The following EFL1 variants were observed in gnomAD, a reference collection of about 807,000 sequenced individuals.
The protein encoded by EFL1 is elongation factor-like GTPase 1.
Under a neutral mutation model 126.7 loss-of-function variants are expected in EFL1, and 76 were observed. The observed-to-expected ratio is 0.60, with a 90% confidence interval of 0.50 to 0.73. EFL1 has a LOEUF of 0.73. EFL1 is among the 30% of genes least tolerant of loss of function. The pLI, the probability that EFL1 is intolerant of heterozygous loss-of-function variation, is 0.00. For synonymous variants in EFL1, 410 were observed against 448.4 expected (o/e 0.91, Z 1.08); for missense variants, 1,128 against 1,343.2 (o/e 0.84, Z 2.50).
intron 18 of EFL1, among the ~76,000 whole-genome samples, chr15:82,149,187 T>C (rs1382844542): frequency 1.3e-5 from 2 of 152,316 alleles, no homozygotes; most frequent in East Asian, 1.9e-4. Flanking sequence ...TCCTGTTTAC[T>C]GTTGTAATGC....
At chr15:82,232,938 A>G (rs561234269) in intron 7 of EFL1, among the ~76,000 whole-genome samples, 15 of 152,100 alleles carry the variant, frequency 9.9e-5, no homozygotes, top group African/African-American at 3.6e-4. Context: ...TGTTACCCAG[A>G]CTGTATTATA....
intron 7 of EFL1, 46 bp from the exon 8 acceptor site, chr15:82,231,017 G>A (rs11073036): frequency 0.22 from 357,448 of 1,592,522 alleles, 42,703 homozygotes; most frequent in South Asian, 0.4. Flanking sequence ...AACGATTATT[G>A]ATTTCTGTGA....
intron 15 of EFL1, among the ~76,000 whole-genome samples, chr15:82,184,581 C>T (rs2074284257): frequency 6.6e-6 from 1 of 152,186 alleles, no homozygotes; most frequent in Non-Finnish European, 1.5e-5. Flanking sequence ...GCAGGACCAA[C>T]CACAAAAGTA....
At position 82,225,200 on chromosome 15, in the gene EFL1, T is replaced by C. The variant is rs532188926; in HGVS notation, c.1257A>G (p.Ala419=). ...TCTGAGGCAAGGCCTTAGCATCAAC[T>C]GCAAACATTTTGGAAACAAATATAA... is the stretch of plus-strand genomic sequence containing the variant. ...PVIIFVSKMF[A]VDAKALPQNK... Residue 419 remains alanine (A), a synonymous_variant, in exon 12 of 20, where the codon GCA becomes GCG. Coordinates refer to ENST00000268206, the MANE Select transcript of EFL1 (RefSeq NM_024580.6). 4 of 1,612,112 alleles carry C rather than the reference T, an allele frequency of 2.5e-6. No homozygotes were observed. Among genetic ancestry groups the C allele is most frequent in the Admixed American group, 3.4e-5 (2 of 59,510 alleles).
At chr15:82,210,327 G>A (rs2074570416) in intron 15 of EFL1, among the ~76,000 whole-genome samples, 2 of 152,146 alleles carry the variant, frequency 1.3e-5, no homozygotes, top group Admixed American at 1.3e-4. Flanking sequence ...GCAGAAGTGG[G>A]GCTGAAGGCT....
intron 11 of EFL1, among the ~76,000 whole-genome samples, chr15:82,225,926 A>G (rs1446125994): frequency 6.6e-6 from 1 of 152,192 alleles, no homozygotes; most frequent in Non-Finnish European, 1.5e-5. Flanking sequence ...TCACGTTAAA[A>G]TAATTTATAT....
At chr15:82,180,524 A>G (rs1208535787) in intron 15 of EFL1, among the ~76,000 whole-genome samples, 1 of 152,144 alleles carries the variant, frequency 6.6e-6, no homozygotes, top group Non-Finnish European at 1.5e-5. Flanking sequence ...AAAACATAAA[A>G]TTTATTCAGC....
In EFL1 at chr15:82,230,855, C is replaced by T. The variant is rs1239093536; in HGVS notation, c.848G>A (p.Gly283Asp). 4 of 1,610,686 alleles carry T rather than the reference C, an allele frequency of 2.5e-6. No individual in the cohort carries two copies. In the African/African-American group the frequency reaches 5.4e-5, roughly 22 times the overall value. Residue 283 changes from glycine to aspartate, a missense_variant, in exon 8 of 20, where the codon GGT becomes GAT. Coordinates refer to ENST00000268206, the MANE Select transcript of EFL1 (RefSeq NM_024580.6). ...GGACATATACCACATTACCTGATCACCCTTCATGATCTTTTTAGCCTTCAT... is the reference window on the plus strand; with the variant it reads ...GGACATATACCACATTACCTGATCATCCTTCATGATCTTTTTAGCCTTCAT... ...INMKAKKIMKGDQAKGKKPLF... is the reference protein window; with the variant it reads ...INMKAKKIMKDDQAKGKKPLF...
intron 15 of EFL1, among the ~76,000 whole-genome samples, chr15:82,199,627 G>C (rs1238887595): frequency 1.3e-5 from 2 of 152,190 alleles, no homozygotes; most frequent in Non-Finnish European, 2.9e-5. Flanking sequence ...CCCAGCTTTA[G>C]CTCCCTAGTG....
intron 15 of EFL1, among the ~76,000 whole-genome samples, chr15:82,192,401 CAAA>C (rs59214257): frequency 4.6e-5 from 4 of 86,180 alleles, no homozygotes; most frequent in Non-Finnish European, 2.8e-5. Flanking sequence ...AATTCCGTCT[CAAA>C]AAAAAAAAAA....
intron 3 of EFL1, among the ~76,000 whole-genome samples, chr15:82,257,661 C>G (rs923914924): frequency 2.0e-5 from 3 of 152,196 alleles, no homozygotes; most frequent in Non-Finnish European, 4.4e-5. Flanking sequence ...CCCACCCACA[C>G]AGTTTCCCCT....
intron 18 of EFL1, among the ~76,000 whole-genome samples, chr15:82,150,699 T>C (rs16973420): frequency 0.15 from 23,243 of 152,114 alleles, 3,219 homozygotes; most frequent in African/African-American, 0.37. Context: ...TTTGATATAA[T>C]GGTTAGCAGT....
intron 15 of EFL1, among the ~76,000 whole-genome samples, chr15:82,209,849 T>C (rs981892503): frequency 6.6e-6 from 1 of 152,252 alleles, no homozygotes; most frequent in Non-Finnish European, 1.5e-5. Context: ...ATTTTTCAAG[T>C]GCCAATAAAA....
In EFL1 at chr15:82,184,908, A is replaced by G. The variant is rs191220126; in HGVS notation, c.1751-20924T>C. On this transcript the variant is annotated intron_variant, in intron 15 of 19. Coordinates refer to ENST00000268206, the MANE Select transcript of EFL1 (RefSeq NM_024580.6). Reference sequence around the variant, plus strand: ...TTTCATTATTTGAGGATTTAGAGACAAGAACAACTTAGAGTAGTGTGAATA... The same window carrying G: ...TTTCATTATTTGAGGATTTAGAGACGAGAACAACTTAGAGTAGTGTGAATA... Among the ~76,000 whole-genome samples, 840 of 152,350 alleles carry G rather than the reference A, an allele frequency of 5.5e-3. 8 individuals carry two copies. Among genetic ancestry groups the G allele is most frequent in the South Asian group, 0.042 (204 of 4,828 alleles).
At chr15:82,242,270 T>G (rs1285205869) in intron 4 of EFL1, among the ~76,000 whole-genome samples, 1 of 150,368 alleles carries the variant, frequency 6.7e-6, no homozygotes, top group East Asian at 1.9e-4. Flanking sequence ...TATACTTTAC[T>G]TTTGCTCCTC....
chr15:82,132,526 C>T (rs891886445), intron 19 of EFL1, among the ~76,000 whole-genome samples: 4 of 140,326 alleles, frequency 2.9e-5, no homozygotes, highest in Non-Finnish European at 4.6e-5. Flanking sequence ...AAAAGGCAGA[C>T]AGTAGAAGTG....
intron 16 of EFL1, among the ~76,000 whole-genome samples, chr15:82,159,006 C>T (rs770408340): frequency 2.6e-5 from 4 of 152,178 alleles, no homozygotes; most frequent in South Asian, 2.1e-4. Context: ...CCATGCTCTG[C>T]GGATGGATGT....
At position 82,240,465 on chromosome 15, in the gene EFL1, A is replaced by T; in HGVS notation, c.469T>A (p.Phe157Ile). The change falls in exon 6 of 20, where the codon TTC becomes ATC. Residue 157 changes from phenylalanine to isoleucine, a missense_variant. By Grantham distance (21) the Phe-to-Ile change is conservative. Around this residue, in one of 6 missense-constraint regions of EFL1, gnomAD observed 316 missense variants for 318.5 expected, o/e 0.99. Transcript: ENST00000268206. The part of the protein sequence containing the change: ...KIDRLIVELK[F>I]TPQEAYSHLK... ...TGAGAATAGGCCTCTTGTGGGGTGA[A>T]TTTCAGTTCCACTATCAAGCGATCA... is the stretch of plus-strand genomic sequence containing the variant. 1 of 1,613,652 alleles carries T rather than the reference A, an allele frequency of 6.2e-7. No homozygotes were observed. Among genetic ancestry groups the T allele is most frequent in the East Asian group, 2.2e-5 (1 of 44,860 alleles).
chr15:82,203,492 A>G (rs540960191), intron 15 of EFL1, among the ~76,000 whole-genome samples: 2 of 152,182 alleles, frequency 1.3e-5, no homozygotes, highest in Admixed American at 6.5e-5. Context: ...TCTCTGCCTC[A>G]GCCTCCGGAG....
Sources: gnomAD v4.1 joint callset for allele counts (sites outside exome capture counted in the v4.1 genomes callset) on GRCh38, gnomAD v4.1.1 for gene constraint, gnomAD v4.1.1 regional missense constraint, MANE v1.5 for transcripts, NCBI Gene and HGNC (gene_info 2026-07-23, HGNC 2026-07-21) for gene names.